Variants in FAM171A1 observed in about 807,000 individuals in gnomAD.
FAM171A1 encodes the protein family with sequence similarity 171 member A1.
FAM171A1 carries 23 observed loss-of-function variants against 74.9 expected under a neutral mutation model. The observed-to-expected ratio is 0.31, with a 90% confidence interval of 0.22 to 0.44. FAM171A1 has a LOEUF of 0.44. Ranked by LOEUF, FAM171A1 falls within the 20% of genes least tolerant of loss-of-function variation. The pLI is 1.00. For missense variants in FAM171A1, 1,162 were observed against 1,159.2 expected (o/e 1.00, Z -0.03); for synonymous variants, 527 against 505.7 (o/e 1.04, Z -0.57).
intron 5 of FAM171A1, chr10:15,237,794 G>C (rs534980392): frequency 6.7e-6 from 1 of 149,574 alleles, no homozygotes; most frequent in African/African-American, 2.5e-5. Flanking sequence ...TTCCCCTACC[G>C]GTCTCATTAA....
chr10:15,294,546 C>A (rs1412221947), intron 1 of FAM171A1, among the ~76,000 whole-genome samples: 1 of 152,230 alleles, frequency 6.6e-6, no homozygotes, highest in African/African-American at 2.4e-5. Flanking sequence ...TCCCCTACCA[C>A]GATTCAGAGC....
In FAM171A1 at chr10:15,212,462, G is replaced by C. The variant is rs114072009; in HGVS notation, c.*453C>G. On this transcript the variant is annotated 3_prime_UTR_variant, in exon 8 of 8. Coordinates refer to ENST00000378116, the MANE Select transcript of FAM171A1 (RefSeq NM_001010924.2). ...AGCGATGCATAGCTTTCCTTTGAGA[G>C]AACGCATACCTTGAGACGCTACGTG... 195 of 166,500 alleles carry C rather than the reference G, an allele frequency of 1.2e-3. No homozygotes were observed. Among genetic ancestry groups the C allele is most frequent in the African/African-American group, 4.4e-3 (185 of 41,772 alleles). 10.3% of individuals were successfully genotyped at this position (166,500 alleles called of 1,614,324 possible). A position where few individuals can be genotyped will look rare whatever the true frequency, so the allele number is the denominator to read the frequency against.
intron 1 of FAM171A1, among the ~76,000 whole-genome samples, chr10:15,292,737 C>A (rs900364687): frequency 6.6e-6 from 1 of 152,126 alleles, no homozygotes; most frequent in Non-Finnish European, 1.5e-5. Flanking sequence ...CCACCCGTCT[C>A]GTCCTCCCAA....
At chr10:15,299,917 G>A (rs1170835491) in intron 1 of FAM171A1, among the ~76,000 whole-genome samples, 1 of 152,030 alleles carries the variant, frequency 6.6e-6, no homozygotes, top group Non-Finnish European at 1.5e-5. Context: ...GGCAGAGCTT[G>A]CAGTGAACCG....
rs1433041417 is a variant in FAM171A1 at position 15,266,005 on chromosome 10, G to A, written c.418+9850C>T. 2.0e-5 allele frequency among the ~76,000 whole-genome samples: 3 copies of A among 152,314 alleles called. No individual in the cohort carries two copies. In the East Asian group the frequency reaches 5.8e-4, roughly 29 times the overall value. On this transcript the variant is annotated intron_variant, in intron 3 of 7. Transcript: ENST00000378116. ...CAAGAGGTAGAACGACCAGCTCTGGGCTCAGGCAGCTCTCAGGCCACTTGG... is the reference window on the plus strand; with the variant it reads ...CAAGAGGTAGAACGACCAGCTCTGGACTCAGGCAGCTCTCAGGCCACTTGG...
At chr10:15,274,440 C>T (rs1475626032) in intron 3 of FAM171A1, among the ~76,000 whole-genome samples, 10 of 152,260 alleles carry the variant, frequency 6.6e-5, no homozygotes, top group Non-Finnish European at 8.8e-5. Context: ...AAATCAATAT[C>T]GTGAAAATGG....
chr10:15,227,973 AG>A (rs1395366376), intron 5 of FAM171A1, among the ~76,000 whole-genome samples: 3 of 152,230 alleles, frequency 2.0e-5, no homozygotes, highest in Admixed American at 2.0e-4. Flanking sequence ...GTTACCAACC[AG>A]TAATGAAATC....
rs549282198 is a variant in FAM171A1, at chr10:15,331,665, G to A, written c.97+39291C>T. 2.1e-3 allele frequency among the ~76,000 whole-genome samples: 321 copies of A among 151,662 alleles called. 1 individual carries two copies. Among genetic ancestry groups the A allele is most frequent in the African/African-American group, 7.3e-3 (301 of 41,376 alleles). On this transcript the variant is annotated intron_variant, in intron 1 of 7. Coordinates refer to ENST00000378116, the MANE Select transcript of FAM171A1 (RefSeq NM_001010924.2). ...TTATCCCTGAGGGTCCAAAGCTTTA[G>A]GGAGTGCCTGGAATACTGCACACCC... is the stretch of plus-strand genomic sequence containing the variant.
At chr10:15,342,862 C>A (rs1835780521) in intron 1 of FAM171A1, among the ~76,000 whole-genome samples, 2 of 152,218 alleles carry the variant, frequency 1.3e-5, no homozygotes, top group African/African-American at 4.8e-5. Flanking sequence ...GATTTTTGAT[C>A]ATTTGGAACC....
At chr10:15,239,195 C>T (rs77764942) in intron 5 of FAM171A1, among the ~76,000 whole-genome samples, 11,391 of 152,254 alleles carry the variant, frequency 0.075, 479 homozygotes, top group Middle Eastern at 0.18. Flanking sequence ...AAGAGGCATT[C>T]GCTATGACTA....
At chr10:15,324,450 C>T (rs139844805) in intron 1 of FAM171A1, among the ~76,000 whole-genome samples, 18 of 152,314 alleles carry the variant, frequency 1.2e-4, no homozygotes, top group African/African-American at 3.1e-4. Flanking sequence ...ATCCCCATAA[C>T]GTATCGTGAA....
intron 1 of FAM171A1, among the ~76,000 whole-genome samples, chr10:15,357,072 A>C (rs1488028649): frequency 6.6e-6 from 1 of 152,160 alleles, no homozygotes. Context: ...TGAAGTCAGG[A>C]GTTCGAGGCC....
At chr10:15,299,388 T>A (rs1162722809) in intron 1 of FAM171A1, among the ~76,000 whole-genome samples, 1 of 152,220 alleles carries the variant, frequency 6.6e-6, no homozygotes, top group Non-Finnish European at 1.5e-5. Context: ...GTGGAACGGT[T>A]GCCAAGGCAA....
intron 5 of FAM171A1, among the ~76,000 whole-genome samples, chr10:15,224,866 C>T (rs1432522666): frequency 1.3e-5 from 2 of 152,174 alleles, no homozygotes; most frequent in East Asian, 3.8e-4. Flanking sequence ...TTAGTTCCTG[C>T]CAGGCAGTCT....
intron 1 of FAM171A1, among the ~76,000 whole-genome samples, chr10:15,369,737 C>T (rs1474328722): frequency 6.6e-6 from 1 of 152,202 alleles, no homozygotes; most frequent in Non-Finnish European, 1.5e-5. Flanking sequence ...CGTCTCTGCT[C>T]CCAGGCACCC....
rs538158141 is a variant in FAM171A1, at chr10:15,324,840, A to G, written c.98-40735T>C. On this transcript the variant is annotated intron_variant, in intron 1 of 7. Coordinates refer to ENST00000378116, the MANE Select transcript of FAM171A1 (RefSeq NM_001010924.2). ...ACCACAACTTAGTCACGGATTCAGTAACATATCACAGGCAGACCAACTTGT... is the reference window on the plus strand; with the variant it reads ...ACCACAACTTAGTCACGGATTCAGTGACATATCACAGGCAGACCAACTTGT... Among the ~76,000 whole-genome samples, 11 of 152,358 alleles carry G rather than the reference A, an allele frequency of 7.2e-5. 1 individual carries two copies. The highest frequency in any genetic ancestry group is 2.4e-4 in the African/African-American group (10 of 41,582).
At chr10:15,271,667 GA>G (rs1435761428) in intron 3 of FAM171A1, among the ~76,000 whole-genome samples, 1 of 152,234 alleles carries the variant, frequency 6.6e-6, no homozygotes, top group Non-Finnish European at 1.5e-5. Context: ...AAGCCCATCA[GA>G]CTAACAGCAG....
At chr10:15,329,959 T>C (rs1369189917) in intron 1 of FAM171A1, among the ~76,000 whole-genome samples, 2 of 152,228 alleles carry the variant, frequency 1.3e-5, no homozygotes, top group Non-Finnish European at 2.9e-5. Context: ...AGAGGACTTT[T>C]GTGGAATGCA....
chr10:15,214,677 T>C, intron 7 of FAM171A1, 76 bp from the exon 8 acceptor site: 1 of 1,481,698 alleles, frequency 6.7e-7, no homozygotes, highest in Non-Finnish European at 8.9e-7. Flanking sequence ...TCAGGTAAAA[T>C]CCTAATTCTC....
Sources: allele counts gnomAD v4.1 joint callset (sites outside exome capture counted in the v4.1 genomes callset), GRCh38; gene constraint gnomAD v4.1.1; transcripts MANE v1.5; gene names NCBI Gene and HGNC (gene_info 2026-07-23, HGNC 2026-07-21).